WDR64: variants seen among roughly 807,000 people sequenced by gnomAD.
WDR64 encodes the protein WD repeat domain 64.
A neutral mutation model predicts 139.3 loss-of-function variants in WDR64; 112 were observed. The ratio of observed to expected loss-of-function variants is 0.80; its 90% confidence interval spans 0.69 to 0.94. WDR64 has a LOEUF of 0.94. Ranked by LOEUF, WDR64 falls within the 40% of genes least tolerant of loss-of-function variation. The pLI is 0.00. For missense variants in WDR64, 1,206 were observed against 1,293.1 expected (o/e 0.93, Z 1.03); for synonymous variants, 444 against 437.7 (o/e 1.01, Z -0.18).
intron 3 of WDR64, among the ~76,000 whole-genome samples, chr1:241,673,255 C>G (rs937171096): frequency 1.3e-5 from 2 of 151,888 alleles, no homozygotes; most frequent in East Asian, 3.9e-4. Flanking sequence ...GGGTGCAGCA[C>G]ACCAACATGG....
At chr1:241,724,818 G>GC (rs1309574833) in intron 10 of WDR64, among the ~76,000 whole-genome samples, 1 of 152,142 alleles carries the variant, frequency 6.6e-6, no homozygotes, top group Non-Finnish European at 1.5e-5. Context: ...TAAGTGCCAG[G>GC]CGCTGTGCTA....
chr1:241,674,204 T>G (rs1427672654), intron 3 of WDR64, among the ~76,000 whole-genome samples: 2 of 151,872 alleles, frequency 1.3e-5, no homozygotes, highest in East Asian at 3.9e-4. Flanking sequence ...CTTTAATTTT[T>G]AAGTAACTTG....
intron 21 of WDR64, among the ~76,000 whole-genome samples, chr1:241,779,698 CAGGCACCT>C (rs952958565): frequency 6.6e-6 from 1 of 152,010 alleles, no homozygotes; most frequent in African/African-American, 2.4e-5. Flanking sequence ...GGCGTGGTGG[CAGGCACCT>C]GTAATCCCAG....
chr1:241,784,976 A>AAAAAAAAAAAAAAG lies in WDR64; in HGVS notation c.2705+1595_2705+1596insAAAAAAAAAAAAAG, dbSNP rs138513526. 8.9e-4 allele frequency among the ~76,000 whole-genome samples: 88 copies of AAAAAAAAAAAAAAG among 98,438 alleles called. 6 individuals are homozygous for AAAAAAAAAAAAAAG. The highest frequency in any genetic ancestry group is 2.3e-3 in the East Asian group (7 of 3,106). The allele number at this position is 98,438 out of a possible 152,430, so 64.6% of individuals were successfully genotyped here. ...CTGAAAAAAAAAAAAAAAAAAAAAA[A>AAAAAAAAAAAAAAG]GAAAGGACATCTGCTGTTTTATTTG... On this transcript the variant is annotated intron_variant, in intron 23 of 27. Coordinates refer to ENST00000437684, the MANE Select transcript of WDR64 (RefSeq NM_001367482.1).
In WDR64 at chr1:241,772,850, A is replaced by G; in HGVS notation, c.2349A>G (p.Gly783=). 2 of 1,552,084 alleles carry G rather than the reference A, an allele frequency of 1.3e-6. No individual in the cohort carries two copies. The highest frequency in any genetic ancestry group is 1.4e-5 in the African/African-American group (1 of 73,128). Residue 783 remains glycine (G), a synonymous_variant, in exon 20 of 28, where the codon GGA becomes GGG. Transcript: ENST00000437684. Reference sequence around the variant, plus strand: ...AGCCAATGGACAAAAAACACCCTGGAATTGCCAATTTACCAGAAGCCCAGC... The same window carrying G: ...AGCCAATGGACAAAAAACACCCTGGGATTGCCAATTTACCAGAAGCCCAGC... ...KQQPMDKKHP[G]IANLPEAQPP... is the part of the protein sequence containing the mutation.
At chr1:241,743,595 G>A (rs569573049) in intron 12 of WDR64, among the ~76,000 whole-genome samples, 12 of 152,160 alleles carry the variant, frequency 7.9e-5, no homozygotes, top group African/African-American at 2.4e-4. Flanking sequence ...TGTCCTCTCC[G>A]CCACAATACC....
At chr1:241,734,877 T>G (rs1471131539) in intron 10 of WDR64, among the ~76,000 whole-genome samples, 2 of 152,320 alleles carry the variant, frequency 1.3e-5, no homozygotes, top group East Asian at 3.9e-4. Flanking sequence ...CCAGCTAGGT[T>G]TGTGTAAGTA....
chr1:241,716,876 G>A (rs866662552), intron 9 of WDR64, among the ~76,000 whole-genome samples: 3 of 152,246 alleles, frequency 2.0e-5, no homozygotes, highest in Middle Eastern at 3.4e-3. Context: ...AACGAATAAC[G>A]GACAAAGCCA....
In WDR64 at chr1:241,753,603, CTG is replaced by C. The variant is rs1670057142; in HGVS notation, c.1771-3679_1771-3678del. ...CCTGTAGTCCCACCTACCTGGGAGACTGAGGTGGGAGGATCACCTGAGCCTGG... is the reference window on the plus strand; with the variant it reads ...CCTGTAGTCCCACCTACCTGGGAGACAGGTGGGAGGATCACCTGAGCCTGG... On this transcript the variant is annotated intron_variant, in intron 14 of 27. Coordinates refer to ENST00000437684, the MANE Select transcript of WDR64 (RefSeq NM_001367482.1). 2.6e-5 allele frequency among the ~76,000 whole-genome samples: 4 copies of C among 152,198 alleles called. No homozygotes were observed. In the South Asian group the frequency reaches 8.3e-4, roughly 32 times the overall value.
Position 241,783,465 on chromosome 1 carries a change from G to A in WDR64, c.2705+84G>A, listed in dbSNP as rs537277610. 166 of 939,010 alleles carry A rather than the reference G, an allele frequency of 1.8e-4. 1 individual carries two copies. The African/African-American group carries it at 2.6e-3, about 14-fold the overall frequency. 58.2% of individuals were successfully genotyped at this position (939,010 alleles called of 1,614,324 possible). On this transcript the variant is annotated intron_variant, in intron 23 of 27. Coordinates refer to ENST00000437684, the MANE Select transcript of WDR64 (RefSeq NM_001367482.1). ...TTTTAAGCTAAAGTTGAAGTATATA[G>A]TTCAAATGCAATCTTGGTAAACTGA...
chr1:241,690,975 T>C (rs1339864844), intron 8 of WDR64, among the ~76,000 whole-genome samples: 1 of 152,166 alleles, frequency 6.6e-6, no homozygotes. Context: ...ATATTTGCTA[T>C]GTGTAAGCAA....
At chr1:241,708,712 GTT>G (rs1242904479) in intron 8 of WDR64, among the ~76,000 whole-genome samples, 2 of 43,846 alleles carry the variant, frequency 4.6e-5, no homozygotes, top group East Asian at 6.6e-4. Flanking sequence ...TTGTTTTTTT[GTT>G]TTTTTTTTTA....
chr1:241,655,383 T>C (rs759305795), intron 1 of WDR64, among the ~76,000 whole-genome samples: 3 of 152,108 alleles, frequency 2.0e-5, no homozygotes, highest in Non-Finnish European at 2.9e-5. Flanking sequence ...AGAGAGACTC[T>C]GTCCCCCCTC....
At chr1:241,776,083 T>A (rs1379295825) in intron 21 of WDR64, among the ~76,000 whole-genome samples, 1 of 152,198 alleles carries the variant, frequency 6.6e-6, no homozygotes, top group Non-Finnish European at 1.5e-5. Flanking sequence ...AATTTTTTTT[T>A]CTTTTTTAAA....
chr1:241,722,195 C>A (rs982444701), intron 9 of WDR64, among the ~76,000 whole-genome samples: 1 of 152,062 alleles, frequency 6.6e-6, no homozygotes, highest in African/African-American at 2.4e-5. Context: ...ACGGCATTAG[C>A]TATCATAAAA....
At chr1:241,751,292 A>C (rs1669972430) in intron 14 of WDR64, among the ~76,000 whole-genome samples, 1 of 152,138 alleles carries the variant, frequency 6.6e-6, no homozygotes. Context: ...CTAAAAAGGG[A>C]ACAAGCTTTA....
At chr1:241,737,987 C>A (rs1574056749) in intron 10 of WDR64, among the ~76,000 whole-genome samples, 1 of 152,270 alleles carries the variant, frequency 6.6e-6, no homozygotes, top group Non-Finnish European at 1.5e-5. Flanking sequence ...AATATGTCTT[C>A]TCCCTATTTT....
At chr1:241,687,748 G>A (rs929205060) in intron 8 of WDR64, among the ~76,000 whole-genome samples, 153 bp downstream of exon 8, 1 of 152,160 alleles carries the variant, frequency 6.6e-6, no homozygotes, top group Non-Finnish European at 1.5e-5. Context: ...AGATTTCTCA[G>A]GAAGAAATTG....
chr1:241,686,725 A>C (rs928509120), intron 7 of WDR64, among the ~76,000 whole-genome samples: 3 of 152,212 alleles, frequency 2.0e-5, no homozygotes, highest in Non-Finnish European at 2.9e-5. Context: ...TCCCCCACTC[A>C]GCTTCACCAG....
Sources: gnomAD v4.1 joint callset for allele counts (sites outside exome capture counted in the v4.1 genomes callset) on GRCh38, gnomAD v4.1.1 for gene constraint, MANE v1.5 for transcripts, NCBI Gene and HGNC (gene_info 2026-07-23, HGNC 2026-07-21) for gene names.